The following TRRAP variants were observed in gnomAD, a reference collection of about 807,000 sequenced individuals.
The protein encoded by TRRAP is transformation/transcription domain associated protein, also known as transformation/transcription domain-associated protein.
Under a neutral mutation model 438.8 loss-of-function variants are expected in TRRAP, and 41 were observed. That is an observed-to-expected ratio of 0.09 (90% CI 0.07 to 0.12). The LOEUF (loss-of-function observed/expected upper bound fraction) is 0.12. TRRAP is among the 10% of genes least tolerant of loss of function. The pLI is 1.00. For synonymous variants in TRRAP, 1,994 were observed against 1,962.9 expected (o/e 1.02, Z -0.42); for missense variants, 3,122 against 5,055.1 (o/e 0.62, Z 11.60).
intron 59 of TRRAP, 92 bp downstream of exon 59, chr7:98,982,052 A>G: frequency 7.8e-7 from 1 of 1,285,766 alleles, no homozygotes. Flanking sequence ...TGCTCCGGAC[A>G]GCAGAGATGA....
chr7:98,882,342 T>TTTTC (rs1240192949), intron 3 of TRRAP, among the ~76,000 whole-genome samples: 1 of 151,894 alleles, frequency 6.6e-6, no homozygotes, highest in Non-Finnish European at 1.5e-5. Flanking sequence ...ATTCTTGTAC[T>TTTTC]TTTCTTTCTT....
chr7:98,994,446 C>A lies in TRRAP; in HGVS notation c.10048-141C>A. The stretch of plus-strand genomic sequence containing the variant: ...TCCCGTTTCTTGCACACGCCGATTT[C>A]ATGCCTGCTGTGTGTGGGTCCTGCC... On this transcript the variant is annotated intron_variant, in intron 66 of 72. Coordinates refer to ENST00000456197, the MANE Select transcript of TRRAP (RefSeq NM_001375524.1). The surrounding 1 kb of genome is among the most constrained non-coding windows in gnomAD (Gnocchi z 4.8). 1 of 1,257,520 alleles carries A rather than the reference C, an allele frequency of 8.0e-7. No individual in the cohort carries two copies. The highest frequency in any genetic ancestry group is 1.1e-6 in the Non-Finnish European group (1 of 901,204). 77.9% of individuals were successfully genotyped at this position (1,257,520 alleles called of 1,614,324 possible). A position where few individuals can be genotyped will look rare whatever the true frequency, so the allele number is the denominator to read the frequency against.
chr7:98,942,338 C>T (rs1297359449), intron 30 of TRRAP, among the ~76,000 whole-genome samples: 1 of 152,226 alleles, frequency 6.6e-6, no homozygotes, highest in African/African-American at 2.4e-5. Context: ...TGCTCCCCCG[C>T]GTGGCCACCG....
chr7:99,006,714 C>G (rs766096419), intron 69 of TRRAP, among the ~76,000 whole-genome samples: 2 of 152,226 alleles, frequency 1.3e-5, no homozygotes, highest in Non-Finnish European at 2.9e-5. Context: ...CACTGGGACC[C>G]TCACCGGGCA....
At chr7:98,935,862 A>G (rs1159941117) in intron 28 of TRRAP, among the ~76,000 whole-genome samples, 187 bp downstream of exon 28, 1 of 152,218 alleles carries the variant, frequency 6.6e-6, no homozygotes, top group East Asian at 1.9e-4. Flanking sequence ...ATAAAATTAC[A>G]TGTGTTGTTA....
Position 98,943,002 on chromosome 7 carries a change from G to A in TRRAP, c.4458G>A (p.Gln1486=). The A allele has an allele frequency of 6.2e-7, 1 of 1,614,220 alleles. No homozygotes were observed. Among genetic ancestry groups the A allele is most frequent in the Non-Finnish European group, 8.5e-7 (1 of 1,180,036 alleles). ...EVVVITHKGG[Q]RSDGNESISE... is the part of the protein sequence containing the mutation. Reference sequence around the variant, plus strand: ...TGGTGATCACCCACAAAGGGGGCCAGAGGAGCGACGGAAACGTGAGTGACT... The same window carrying A: ...TGGTGATCACCCACAAAGGGGGCCAAAGGAGCGACGGAAACGTGAGTGACT... The change falls in exon 31 of 73, where the codon CAG becomes CAA. Residue 1486 remains glutamine (Q), a synonymous_variant. Transcript: ENST00000456197.
intron 29 of TRRAP, 22 bp from the exon 30 acceptor site, chr7:98,937,628 T>A (rs1554414573): frequency 6.3e-7 from 1 of 1,587,788 alleles, no homozygotes; most frequent in East Asian, 2.2e-5. Flanking sequence ...TATTTTTCTT[T>A]ACAACTTTTC....
intron 1 of TRRAP, among the ~76,000 whole-genome samples, chr7:98,879,023 G>T (rs1554402591): frequency 3.3e-5 from 5 of 152,088 alleles, no homozygotes. Context: ...GGCCAACCTG[G>T]CACCTCCGGG....
rs160384 is a variant in TRRAP at position 98,961,257 on chromosome 7, G to T, written c.6490-4G>T. On this transcript the variant is annotated splice_region_variant and splice_polypyrimidine_tract_variant and intron_variant, in intron 45 of 72. Coordinates refer to ENST00000456197, the MANE Select transcript of TRRAP (RefSeq NM_001375524.1). ...CTGTGAGTGGCCTGTGTTGTCCATTGCAGGAGCAGCCAAACCAAGTGAACT... is the reference window on the plus strand; with the variant it reads ...CTGTGAGTGGCCTGTGTTGTCCATTTCAGGAGCAGCCAAACCAAGTGAACT... 1 of 1,613,712 alleles carries T rather than the reference G, an allele frequency of 6.2e-7. No individual in the cohort carries two copies. The highest frequency in any genetic ancestry group is 2.2e-5 in the East Asian group (1 of 44,856).
In TRRAP at chr7:98,908,221, T is replaced by C. The variant is rs1584295611; in HGVS notation, c.1116-507T>C. Among the ~76,000 whole-genome samples the C allele has an allele frequency of 6.6e-6, 1 of 152,338 alleles. No individual in the cohort carries two copies. The highest frequency in any genetic ancestry group is 1.9e-4 in the East Asian group (1 of 5,188). On this transcript the variant is annotated intron_variant, in intron 13 of 72. Coordinates refer to ENST00000456197, the MANE Select transcript of TRRAP (RefSeq NM_001375524.1). The surrounding 1 kb of genome is among the most constrained non-coding windows in gnomAD (Gnocchi z 4.1). The stretch of plus-strand genomic sequence containing the variant: ...TTACTTGTGTGTTCTCTGCTGTAAG[T>C]AAGCTTCCTGAGGACTGGGGCTCTA...
intron 53 of TRRAP, among the ~76,000 whole-genome samples, chr7:98,974,045 G>A (rs1792538588): frequency 6.6e-6 from 1 of 152,132 alleles, no homozygotes; most frequent in African/African-American, 2.4e-5. Context: ...GTGATGTTCT[G>A]GACACTGGAA....
At chr7:98,884,595 G>A (rs1369084041) in intron 3 of TRRAP, among the ~76,000 whole-genome samples, 1 of 152,182 alleles carries the variant, frequency 6.6e-6, no homozygotes, top group African/African-American at 2.4e-5. Context: ...CACCCTGTGT[G>A]TGTGCAGTCC....
In TRRAP at chr7:98,894,166, T is replaced by C. The variant is rs114248482; in HGVS notation, c.450+285T>C. On this transcript the variant is annotated intron_variant, in intron 6 of 72. Coordinates refer to ENST00000456197, the MANE Select transcript of TRRAP (RefSeq NM_001375524.1). ...CGTATGATGTACAAGTCATTGTATG[T>C]TGTACAGGGATTAAGATGTGGGCTC... is the stretch of plus-strand genomic sequence containing the variant. 6.1e-3 allele frequency among the ~76,000 whole-genome samples: 933 copies of C among 152,358 alleles called. 10 individuals are homozygous for C. Among genetic ancestry groups the C allele is most frequent in the African/African-American group, 0.021 (869 of 41,584 alleles).
Position 98,925,128 on chromosome 7 carries a change from T to A in TRRAP, c.2840T>A (p.Leu947Gln). 6.2e-7 allele frequency: 1 copy of A among 1,614,060 alleles called. No homozygotes were observed. The highest frequency in any genetic ancestry group is 8.5e-7 in the Non-Finnish European group (1 of 1,179,964). The change falls in exon 22 of 73, where the codon CTG (leucine) becomes CAG (glutamine). Residue 947 changes from leucine to glutamine, a missense_variant. By Grantham distance (113) the Leu-to-Gln change is moderately radical (BLOSUM62 -2). Transcript: ENST00000456197. ...LPMEKAIETA[L>Q]DCLKSANTEP... is the part of the protein sequence containing the mutation. Reference sequence around the variant, plus strand: ...TGGTTGTAGGCCATTGAAACTGCTCTGGACTGCCTGAAAAGCGCCAACACT... The same window carrying A: ...TGGTTGTAGGCCATTGAAACTGCTCAGGACTGCCTGAAAAGCGCCAACACT...
intron 67 of TRRAP, among the ~76,000 whole-genome samples, chr7:98,995,745 A>T (rs1015278661): frequency 1.4e-5 from 2 of 141,974 alleles, no homozygotes; most frequent in African/African-American, 5.3e-5. Flanking sequence ...CCGTCCATGC[A>T]CCCCATCCAC....
chr7:98,899,331 T>C (rs1796367038), intron 8 of TRRAP, 91 bp from the exon 9 acceptor site: 3 of 1,036,008 alleles, frequency 2.9e-6, no homozygotes, highest in East Asian at 4.8e-5. Context: ...CCGTTCTCTC[T>C]CTTTCAGTGG....
intron 7 of TRRAP, among the ~76,000 whole-genome samples, 186 bp downstream of exon 7, chr7:98,896,006 G>C (rs1554405672): frequency 6.6e-6 from 1 of 152,076 alleles, no homozygotes; most frequent in Non-Finnish European, 1.5e-5. Context: ...AGCTTTTTTA[G>C]TTTTTCTGTT....
chr7:98,939,887 T>C (rs1554415155), intron 30 of TRRAP, among the ~76,000 whole-genome samples: 1 of 152,168 alleles, frequency 6.6e-6, no homozygotes, highest in Non-Finnish European at 1.5e-5. Flanking sequence ...TGTTTATTTT[T>C]ATTTTTATTT....
chr7:98,933,199 A>G, intron 26 of TRRAP, 42 bp from the exon 27 acceptor site: 1 of 1,562,848 alleles, frequency 6.4e-7, no homozygotes, highest in Non-Finnish European at 8.7e-7. Context: ...TTGTGTCTCA[A>G]GGGGCAGCTG....
Sources: gnomAD v4.1 joint callset for allele counts (sites outside exome capture counted in the v4.1 genomes callset) on GRCh38, gnomAD v4.1.1 for gene constraint, Gnocchi (gnomAD v3.1) non-coding constraint, MANE v1.5 for transcripts, NCBI Gene and HGNC (gene_info 2026-07-23, HGNC 2026-07-21) for gene names.